C17orf78: variants seen among roughly 807,000 people sequenced by gnomAD.
C17orf78 encodes the protein uncharacterized protein C17orf78.
A neutral mutation model predicts 31.8 loss-of-function variants in C17orf78; 27 were observed. The observed-to-expected ratio is 0.85, with a 90% CI of 0.63 to 1.17. The LOEUF is 1.17. C17orf78 is among the 50% of genes most tolerant of loss of function. The pLI is 0.00. For synonymous variants in C17orf78, 106 were observed against 115.1 expected (o/e 0.92, Z 0.51); for missense variants, 258 against 315.2 (o/e 0.82, Z 1.37).
chr17:37,390,517 C>T (rs2050833977), intron 6 of C17orf78, among the ~76,000 whole-genome samples: 1 of 147,768 alleles, frequency 6.8e-6, no homozygotes, highest in South Asian at 2.1e-4. Flanking sequence ...GTCCCAGCTA[C>T]TCGGGAGGCT....
At chr17:37,381,853 G>A (rs549243978) in intron 3 of C17orf78, among the ~76,000 whole-genome samples, 3 of 149,858 alleles carry the variant, frequency 2.0e-5, no homozygotes, top group South Asian at 2.1e-4. Flanking sequence ...GGTCTCGATC[G>A]CCTGACCTTG....
intron 6 of C17orf78, among the ~76,000 whole-genome samples, chr17:37,391,161 C>G (rs866566007): frequency 2.0e-5 from 3 of 152,168 alleles, no homozygotes; most frequent in Non-Finnish European, 2.9e-5. Context: ...TCGCTTGAAC[C>G]CGGGAGGCAC....
intron 3 of C17orf78, among the ~76,000 whole-genome samples, chr17:37,384,439 A>G (rs1478709641): frequency 6.6e-6 from 1 of 152,086 alleles, no homozygotes; most frequent in Admixed American, 6.5e-5. Flanking sequence ...TTCAATCATA[A>G]TATCATTCAG....
At chr17:37,385,878 C>T (rs575351695) in intron 3 of C17orf78, 131 bp from the exon 4 acceptor site, 75 of 618,666 alleles carry the variant, frequency 1.2e-4, no homozygotes, top group South Asian at 1.1e-3. Context: ...ACACCCTAAA[C>T]CTATGGACAG....
At chr17:37,378,108 G>C in intron 2 of C17orf78, 143 bp downstream of exon 2, 1 of 691,874 alleles carries the variant, frequency 1.4e-6, no homozygotes, top group East Asian at 2.9e-5. Context: ...GGGCTTTCTG[G>C]AAACCAATCT....
Position 37,376,207 on chromosome 17 carries a change from T to A in C17orf78, c.58+57T>A. The A allele has an allele frequency of 2.8e-6, 4 of 1,439,892 alleles. No homozygotes were observed. In the African/African-American group the frequency reaches 5.6e-5, roughly 20 times the overall value. The allele number at this position is 1,439,892 out of a possible 1,614,324, so 89.2% of individuals were successfully genotyped here. A position where few individuals can be genotyped will look rare whatever the true frequency, so the allele number is the denominator to read the frequency against. On this transcript the variant is annotated intron_variant, in intron 1 of 6. Transcript: ENST00000615133. ...AATACAGAGAGAGGCCTAGAAAGAG[T>A]TTCGGGGTCTCTTCCACCAGATAGA...
intron 3 of C17orf78, among the ~76,000 whole-genome samples, chr17:37,382,688 C>T (rs1281644198): frequency 6.6e-6 from 1 of 152,044 alleles, no homozygotes; most frequent in Non-Finnish European, 1.5e-5. Flanking sequence ...GGTAAAACCT[C>T]GTCTCTACTA....
chr17:37,390,330 A>ATATAATATATATATATATATC (rs2050820789), intron 6 of C17orf78, among the ~76,000 whole-genome samples: 1 of 41,590 alleles, frequency 2.4e-5, no homozygotes, highest in African/African-American at 1.3e-4. Flanking sequence ...ATATATATAT[A>ATATAATATATATATATATATC]TATAAAAGGC....
intron 6 of C17orf78, among the ~76,000 whole-genome samples, chr17:37,389,602 G>A (rs544857218): frequency 3.2e-4 from 48 of 151,820 alleles, no homozygotes; most frequent in African/African-American, 1.0e-3. Context: ...CAGGAGAATC[G>A]CTTGAACCTG....
intron 4 of C17orf78, chr17:37,388,007 T>A (rs8075149): frequency 0.24 from 37,004 of 151,728 alleles, 4,675 homozygotes; most frequent in Middle Eastern, 0.37. Context: ...TATAAAAAAA[T>A]TTTAAAAATT....
intron 2 of C17orf78, among the ~76,000 whole-genome samples, chr17:37,378,639 A>G (rs2050108774): frequency 1.3e-5 from 2 of 152,186 alleles, no homozygotes; most frequent in South Asian, 4.1e-4. Flanking sequence ...CTTGAACCAG[A>G]GAGGCGGAGG....
At chr17:37,377,674 T>C (rs1240382643) in intron 1 of C17orf78, among the ~76,000 whole-genome samples, 4 of 149,146 alleles carry the variant, frequency 2.7e-5, no homozygotes, top group African/African-American at 1.0e-4. Flanking sequence ...AATAAATAAA[T>C]AAATAAATAA....
chr17:37,391,674 A>G lies in C17orf78; in HGVS notation c.778A>G (p.Asn260Asp). The change falls in exon 7 of 7, where the codon AAC becomes GAC. Residue 260 changes from asparagine (N) to aspartate (D), a missense_variant. Transcript: ENST00000615133. ...KVGQDAANSS[N>D]PKKAAEITVI... ...TGGACAAGATGCTGCCAATTCATCAAACCCAAAGAAAGCTGCAGAGATCAC... is the reference window on the plus strand; with the variant it reads ...TGGACAAGATGCTGCCAATTCATCAGACCCAAAGAAAGCTGCAGAGATCAC... 6.2e-7 allele frequency: 1 copy of G among 1,613,980 alleles called. No homozygotes were observed. The highest frequency in any genetic ancestry group is 8.5e-7 in the Non-Finnish European group (1 of 1,179,880).
At chr17:37,386,256 G>A in intron 4 of C17orf78, 131 bp downstream of exon 4, 3 of 611,166 alleles carry the variant, frequency 4.9e-6, no homozygotes, top group East Asian at 3.0e-5. Context: ...AGAAGTTACT[G>A]AATGTACATT....
rs1337422704 is a variant in C17orf78, at chr17:37,389,281, C to A, written c.669C>A (p.Cys223Ter). Reference protein sequence around the residue: ...QCLGARKLCQCQWLWRWQKKG... With the variant: ...QCLGARKLCQ ...TAGGAGCCAGGAAGCTGTGCCAATG[C>A]CAGTGGTTGTGGAGATGGCAAAAGA... The change falls in exon 6 of 7, where the codon TGC (cysteine) becomes TGA (stop). Residue 223 changes from cysteine (C) to a stop codon, truncating the protein, a stop_gained. Transcript: ENST00000615133. LOFTEE classifies it high-confidence loss of function. 3.1e-6 allele frequency: 5 copies of A among 1,597,052 alleles called. No individual in the cohort carries two copies. The highest frequency in any genetic ancestry group is 3.4e-6 in the Non-Finnish European group (4 of 1,171,902).
chr17:37,389,401 G>C, intron 6 of C17orf78, 39 bp downstream of exon 6: 1 of 1,552,386 alleles, frequency 6.4e-7, no homozygotes, highest in Non-Finnish European at 8.7e-7. Flanking sequence ...TTTGCTTAAA[G>C]AAGGTGGGGT....
At chr17:37,382,288 T>C (rs2050329223) in intron 3 of C17orf78, among the ~76,000 whole-genome samples, 1 of 152,090 alleles carries the variant, frequency 6.6e-6, no homozygotes, top group African/African-American at 2.4e-5. Flanking sequence ...CAGTGGTTCT[T>C]AACCTCAGCC....
At chr17:37,384,454 C>A in intron 3 of C17orf78, among the ~76,000 whole-genome samples, 1 of 152,058 alleles carries the variant, frequency 6.6e-6, no homozygotes, top group Admixed American at 6.6e-5. Flanking sequence ...ATTCAGTTTG[C>A]AAAGTGTTTA....
intron 3 of C17orf78, among the ~76,000 whole-genome samples, chr17:37,385,680 G>C (rs1597771512): frequency 6.6e-6 from 1 of 152,172 alleles, no homozygotes; most frequent in East Asian, 1.9e-4. Context: ...TTTAAAGAAG[G>C]AAACTGTCAA....
Sources: gnomAD v4.1 joint callset for allele counts (sites outside exome capture counted in the v4.1 genomes callset) on GRCh38, gnomAD v4.1.1 for gene constraint, MANE v1.5 for transcripts, NCBI Gene and HGNC (gene_info 2026-07-23, HGNC 2026-07-21) for gene names.